The following MN1 variants were observed in gnomAD, a reference collection of about 807,000 sequenced individuals.
MN1 encodes transcriptional activator MN1.
MN1 carries 19 observed loss-of-function variants against 86.9 expected under a neutral mutation model. That is an observed-to-expected ratio of 0.22 (90% CI 0.15 to 0.32). The LOEUF (loss-of-function observed/expected upper bound fraction) is 0.32, where lower values mean the gene tolerates loss of function less well. MN1 is among the 10% of genes least tolerant of loss of function. The pLI, the probability that MN1 is intolerant of heterozygous loss-of-function variation, is 1.00. For missense variants in MN1, 1,841 were observed against 1,862.0 expected, an observed-to-expected ratio of 0.99 and a Z score of 0.21; for synonymous variants, 928 against 849.6, an observed-to-expected ratio of 1.09 and a Z score of -1.60.
At chr22:27,754,288 G>A (rs977630324) in intron 1 of MN1, among the ~76,000 whole-genome samples, 1 of 152,190 alleles carries the variant, frequency 6.6e-6, no homozygotes, top group African/African-American at 2.4e-5. Context: ...AACCATTGCT[G>A]TTCTTATTAG....
chr22:27,796,482 A>C, intron 1 of MN1, among the ~76,000 whole-genome samples: 1 of 146,166 alleles, frequency 6.8e-6, no homozygotes, highest in South Asian at 2.2e-4. Flanking sequence ...TGGGCGGGGT[A>C]CTCTACAAGA....
chr22:27,754,742 C>T (rs919086889), intron 1 of MN1, among the ~76,000 whole-genome samples: 1 of 152,172 alleles, frequency 6.6e-6, no homozygotes, highest in Non-Finnish European at 1.5e-5. Context: ...CCCTCAGTCT[C>T]CGCTCCTTGA....
intron 1 of MN1, among the ~76,000 whole-genome samples, chr22:27,755,348 T>C (rs771397791): frequency 2.2e-4 from 34 of 152,068 alleles, no homozygotes; most frequent in Non-Finnish European, 4.7e-4. Context: ...GGCAACATCA[T>C]CTCAAAACAG....
intron 1 of MN1, among the ~76,000 whole-genome samples, chr22:27,768,586 G>C (rs1166660196): frequency 1.3e-5 from 2 of 152,168 alleles, no homozygotes; most frequent in African/African-American, 4.8e-5. Context: ...CATGAGTCTA[G>C]AGTTGGGTTG....
intron 1 of MN1, among the ~76,000 whole-genome samples, chr22:27,751,523 T>C (rs1272863282): frequency 6.6e-6 from 1 of 152,146 alleles, no homozygotes. Context: ...GGGAGGATTG[T>C]CTGGGTCCAG....
intron 1 of MN1, among the ~76,000 whole-genome samples, chr22:27,784,889 A>T (rs1308180349): frequency 6.6e-6 from 1 of 151,546 alleles, no homozygotes; most frequent in Non-Finnish European, 1.5e-5. Flanking sequence ...GGTCGGGGGG[A>T]GTTGGGGAGT....
At chr22:27,794,595 T>C (rs1291344163) in intron 1 of MN1, among the ~76,000 whole-genome samples, 1 of 152,202 alleles carries the variant, frequency 6.6e-6, no homozygotes, top group Admixed American at 6.5e-5. Flanking sequence ...CTGACTGTGA[T>C]GATGACACAA....
rs45624738 is a variant in MN1 at position 27,787,238 on chromosome 22, G to A, written c.3781+9525C>T. Among the ~76,000 whole-genome samples, 392 of 152,348 alleles carry A rather than the reference G, an allele frequency of 2.6e-3. 2 individuals carry two copies. Among genetic ancestry groups the A allele is most frequent in the African/African-American group, 9.1e-3 (377 of 41,584 alleles). On this transcript the variant is annotated intron_variant, in intron 1 of 1. Coordinates refer to ENST00000302326, the MANE Select transcript of MN1 (RefSeq NM_002430.3). ...TAGAAATAGTCATGGCATAAGGATC[G>A]TGAAATTGCTCCTGTTCTAAAAAGC...
chr22:27,798,883 G>A lies in MN1; in HGVS notation c.1661C>T (p.Ala554Val), dbSNP rs1310572906. Reference sequence around the variant, plus strand: ...CGCCATCTGCTTAATCATGAGGGCCGCGTTTTGGCGCTGCTGCTGCTGCTG... The same window carrying A: ...CGCCATCTGCTTAATCATGAGGGCCACGTTTTGGCGCTGCTGCTGCTGCTG... The part of the protein sequence containing the change: ...QQQQQQQRQN[A>V]ALMIKQMASR... The change falls in exon 1 of 2, where the codon GCG (alanine) becomes GTG (valine). Residue 554 changes from alanine (A) to valine (V), a missense_variant. Coordinates refer to ENST00000302326, the MANE Select transcript of MN1 (RefSeq NM_002430.3). The A allele has an allele frequency of 3.9e-6, 6 of 1,549,124 alleles. No homozygotes were observed. Among genetic ancestry groups the A allele is most frequent in the Non-Finnish European group, 4.4e-6 (5 of 1,148,354 alleles).
rs1214027780 is a variant in MN1, at chr22:27,798,274, G to A, written c.2270C>T (p.Pro757Leu). ...CGAGTTCACGCCTGGACCGCTGTGC[G>A]GCGTGGACTGCCGGCCGGCTGCACC... The part of the protein sequence containing the change: ...PFGAAGRQST[P>L]HSGPGVNSPP... The change falls in exon 1 of 2, where the codon CCG becomes CTG. Residue 757 changes from proline to leucine, a missense_variant. Pro to Leu is a moderately conservative substitution (Grantham distance 98). Transcript: ENST00000302326. 2 of 1,528,410 alleles carry A rather than the reference G, an allele frequency of 1.3e-6. No homozygotes were observed. Among genetic ancestry groups the A allele is most frequent in the Non-Finnish European group, 8.7e-7 (1 of 1,148,484 alleles). The allele number at this position is 1,528,410 out of a possible 1,614,324, so 94.7% of individuals were successfully genotyped here.
Position 27,786,270 on chromosome 22 carries a change from C to T in MN1, c.3781+10493G>A, listed in dbSNP as rs539464164. The stretch of plus-strand genomic sequence containing the variant: ...CAAAGAAGCCAGGCTGAAGTGCTCG[C>T]ACCATCAAAATGACACATGCTCCCC... On this transcript the variant is annotated intron_variant, in intron 1 of 1. Transcript: ENST00000302326. 9.8e-5 allele frequency among the ~76,000 whole-genome samples: 15 copies of T among 152,340 alleles called. No homozygotes were observed. The South Asian group carries it at 3.1e-3, about 32-fold the overall frequency.
intron 1 of MN1, among the ~76,000 whole-genome samples, chr22:27,783,428 G>A (rs988089109): frequency 3.9e-5 from 6 of 152,142 alleles, no homozygotes; most frequent in South Asian, 4.1e-4. Flanking sequence ...CACCGTGCCC[G>A]GCCCTGTCAT....
At chr22:27,783,063 C>T (rs889248252) in intron 1 of MN1, among the ~76,000 whole-genome samples, 2 of 152,224 alleles carry the variant, frequency 1.3e-5, no homozygotes, top group Middle Eastern at 3.4e-3. Flanking sequence ...GCACGATGTC[C>T]ACCTCCACAA....
chr22:27,789,451 G>C (rs1933182507), intron 1 of MN1, among the ~76,000 whole-genome samples: 2 of 152,174 alleles, frequency 1.3e-5, no homozygotes, highest in African/African-American at 4.8e-5. Flanking sequence ...ATTTTCCACA[G>C]AGAGATCAAA....
intron 1 of MN1, among the ~76,000 whole-genome samples, chr22:27,777,753 G>A (rs1932998410): frequency 2.0e-5 from 3 of 151,820 alleles, no homozygotes; most frequent in African/African-American, 7.3e-5. Flanking sequence ...GCGCATGCCT[G>A]TAATGCTAGC....
At chr22:27,782,238 T>C (rs1933063767) in intron 1 of MN1, among the ~76,000 whole-genome samples, 1 of 152,118 alleles carries the variant, frequency 6.6e-6, no homozygotes, top group Non-Finnish European at 1.5e-5. Flanking sequence ...TCTGCACATA[T>C]AATCCTCCCC....
chr22:27,771,219 CTTTTTTTTTT>C (rs11330963), intron 1 of MN1, among the ~76,000 whole-genome samples: 2 of 86,638 alleles, frequency 2.3e-5, no homozygotes, highest in Admixed American at 1.5e-4. Context: ...TTTTCCCTAA[CTTTTTTTTTT>C]TTTTTTTTTT....
At chr22:27,778,675 G>C (rs1933011145) in intron 1 of MN1, among the ~76,000 whole-genome samples, 1 of 152,222 alleles carries the variant, frequency 6.6e-6, no homozygotes, top group Admixed American at 6.5e-5. Flanking sequence ...CCAGTGGAAG[G>C]CCACAGGCCT....
At chr22:27,794,181 G>A (rs186934519) in intron 1 of MN1, among the ~76,000 whole-genome samples, 8 of 152,252 alleles carry the variant, frequency 5.3e-5, no homozygotes, top group Admixed American at 4.6e-4. Flanking sequence ...GGGACTCAGG[G>A]GCCTGTAGAA....
Sources: allele counts gnomAD v4.1 joint callset (sites outside exome capture counted in the v4.1 genomes callset), GRCh38; gene constraint gnomAD v4.1.1; transcripts MANE v1.5; gene names NCBI Gene and HGNC (gene_info 2026-07-23, HGNC 2026-07-21).